DIS3L2: variants seen among roughly 807,000 people sequenced by gnomAD.
DIS3L2 encodes the protein DIS3-like exonuclease 2.
DIS3L2 carries 34 observed loss-of-function variants against 97.5 expected under a neutral mutation model. The ratio of observed to expected loss-of-function variants is 0.35; its 90% CI spans 0.27 to 0.46. The LOEUF (loss-of-function observed/expected upper bound fraction) is 0.46. Ranked by LOEUF, DIS3L2 falls within the 20% of genes least tolerant of loss-of-function variation. The probability of loss-of-function intolerance (pLI) is 1.00; values close to 1 mark genes in which losing one functional copy is unlikely to be tolerated. For missense variants in DIS3L2, 1,038 were observed against 1,146.0 expected (o/e 0.91, Z 1.36); for synonymous variants, 435 against 445.2 (o/e 0.98, Z 0.29).
In DIS3L2 at chr2:232,313,362, A is replaced by G. The variant is rs941627034; in HGVS notation, c.1739+13243A>G. Reference sequence around the variant, plus strand: ...TGATATCTGATTTTTTATTTAAATGAAAAGGAACTAATGTTTATCACAAGA... The same window carrying G: ...TGATATCTGATTTTTTATTTAAATGGAAAGGAACTAATGTTTATCACAAGA... On this transcript the variant is annotated intron_variant, in intron 14 of 20. Coordinates refer to ENST00000325385, the MANE Select transcript of DIS3L2 (RefSeq NM_152383.5). Among the ~76,000 whole-genome samples, 27 of 152,348 alleles carry G rather than the reference A, an allele frequency of 1.8e-4. 1 individual carries two copies. Among genetic ancestry groups the G allele is most frequent in the African/African-American group, 6.5e-4 (27 of 41,572 alleles).
intron 9 of DIS3L2, among the ~76,000 whole-genome samples, chr2:232,202,990 A>C (rs1691938086): frequency 6.6e-6 from 1 of 152,226 alleles, no homozygotes; most frequent in Non-Finnish European, 1.5e-5. Context: ...ATCTGATTGT[A>C]CTGGAATGTC....
intron 13 of DIS3L2, among the ~76,000 whole-genome samples, chr2:232,296,258 G>C (rs751989205): frequency 6.6e-6 from 1 of 152,188 alleles, no homozygotes; most frequent in Non-Finnish European, 1.5e-5. Context: ...CCATCACCAA[G>C]TCCTGTAATG....
chr2:232,076,018 A>G (rs1203844295), intron 5 of DIS3L2, among the ~76,000 whole-genome samples: 3 of 152,214 alleles, frequency 2.0e-5, no homozygotes, highest in African/African-American at 7.2e-5. Flanking sequence ...CCATGACTCA[A>G]GCCAGTTGTG....
chr2:232,256,932 A>T (rs1693582055), intron 12 of DIS3L2, among the ~76,000 whole-genome samples: 1 of 152,190 alleles, frequency 6.6e-6, no homozygotes. Flanking sequence ...AGCTTGGCCA[A>T]CATGGTGAAA....
At chr2:231,974,250 G>C (rs978800233) in intron 1 of DIS3L2, among the ~76,000 whole-genome samples, 2 of 152,138 alleles carry the variant, frequency 1.3e-5, no homozygotes, top group Non-Finnish European at 2.9e-5. Context: ...AAGGGACAGG[G>C]GAGGGAAGCT....
chr2:232,013,923 G>C (rs1386399006), intron 1 of DIS3L2, among the ~76,000 whole-genome samples: 3 of 152,170 alleles, frequency 2.0e-5, no homozygotes, highest in African/African-American at 7.2e-5. Flanking sequence ...AATTTAAAGA[G>C]AAATTACATC....
chr2:232,302,242 T>TG (rs1178617584), intron 14 of DIS3L2, among the ~76,000 whole-genome samples: 1 of 146,450 alleles, frequency 6.8e-6, no homozygotes. Flanking sequence ...TGTAGTGGAG[T>TG]GGGGGGAGTG....
chr2:231,962,950 G>A (rs2106209269), intron 1 of DIS3L2, among the ~76,000 whole-genome samples: 1 of 140,794 alleles, frequency 7.1e-6, no homozygotes, highest in Middle Eastern at 3.4e-3. Context: ...ATTCCATCCT[G>A]TACATCCACA....
At chr2:232,182,783 A>C (rs1484944058) in intron 9 of DIS3L2, among the ~76,000 whole-genome samples, 2 of 152,170 alleles carry the variant, frequency 1.3e-5, no homozygotes, top group South Asian at 4.1e-4. Flanking sequence ...ATGCATACAC[A>C]CACAGGCACA....
chr2:232,299,980 C>T, intron 13 of DIS3L2, 60 bp from the exon 14 acceptor site: 1 of 1,494,850 alleles, frequency 6.7e-7, no homozygotes, highest in Non-Finnish European at 9.3e-7. Flanking sequence ...TTCATTTCAG[C>T]TATTGGAATG....
chr2:231,970,456 C>T (rs1692872309), intron 1 of DIS3L2, among the ~76,000 whole-genome samples: 1 of 152,180 alleles, frequency 6.6e-6, no homozygotes, highest in Non-Finnish European at 1.5e-5. Context: ...GGCTACAAAA[C>T]TGTACAGCAT....
At chr2:232,090,088 C>G (rs1023774215) in intron 6 of DIS3L2, among the ~76,000 whole-genome samples, 26 of 152,026 alleles carry the variant, frequency 1.7e-4, no homozygotes, top group African/African-American at 5.8e-4. Flanking sequence ...ACCACCACAC[C>G]CAGATAATTT....
intron 5 of DIS3L2, among the ~76,000 whole-genome samples, chr2:232,074,744 C>G (rs2106291135): frequency 6.6e-6 from 1 of 152,052 alleles, no homozygotes; most frequent in Admixed American, 6.5e-5. Context: ...GTCACCATGC[C>G]TGGCTAATTT....
At chr2:232,203,304 G>A (rs963765284) in intron 9 of DIS3L2, among the ~76,000 whole-genome samples, 1 of 152,150 alleles carries the variant, frequency 6.6e-6, no homozygotes, top group African/African-American at 2.4e-5. Context: ...CACGGACAGA[G>A]GAGGGCCTCT....
At chr2:232,100,192 A>ATTT (rs10594218) in intron 6 of DIS3L2, among the ~76,000 whole-genome samples, 15 of 112,490 alleles carry the variant, frequency 1.3e-4, no homozygotes, top group Admixed American at 2.7e-4. Context: ...CCCTGCTAAT[A>ATTT]TTTTTTTTTT....
rs181322368 is a variant in DIS3L2, at chr2:232,217,043, A to G, written c.1204+6638A>G. 2.3e-3 allele frequency among the ~76,000 whole-genome samples: 349 copies of G among 152,280 alleles called. 6 individuals carry two copies. Among genetic ancestry groups the G allele is most frequent in the Admixed American group, 0.019 (294 of 15,292 alleles). ...TTTTTAGTAGAGATGGGGTTTCACC[A>G]TATTGGCCAGGCTGGTCTTGAACTC... On this transcript the variant is annotated intron_variant, in intron 10 of 20. Transcript: ENST00000325385.
chr2:232,006,925 A>T (rs1000369095), intron 1 of DIS3L2, among the ~76,000 whole-genome samples: 4 of 152,258 alleles, frequency 2.6e-5, no homozygotes, highest in African/African-American at 7.2e-5. Context: ...CTAGGAATAC[A>T]GAAAACTTTA....
At chr2:232,100,823 GTGTGTGTA>G (rs1168291917) in intron 6 of DIS3L2, among the ~76,000 whole-genome samples, 2 of 148,928 alleles carry the variant, frequency 1.3e-5, no homozygotes, top group Non-Finnish European at 2.9e-5. Flanking sequence ...GTGTGTGTGT[GTGTGTGTA>G]TATATATCTC....
chr2:232,086,615 A>G lies in DIS3L2; in HGVS notation c.367-872A>G, dbSNP rs376518130. ...TATATATATATATGTGTGTGTGTGT[A>G]TATATATATATATACACATATATAT... On this transcript the variant is annotated intron_variant, in intron 5 of 20. Coordinates refer to ENST00000325385, the MANE Select transcript of DIS3L2 (RefSeq NM_152383.5). 1.5e-3 allele frequency among the ~76,000 whole-genome samples: 83 copies of G among 54,506 alleles called. 2 individuals carry two copies. Among genetic ancestry groups the G allele is most frequent in the Non-Finnish European group, 2.0e-3 (47 of 23,398 alleles). 35.8% of individuals were successfully genotyped at this position (54,506 alleles called of 152,430 possible).
Sources: gnomAD v4.1 joint callset for allele counts (sites outside exome capture counted in the v4.1 genomes callset) on GRCh38, gnomAD v4.1.1 for gene constraint, MANE v1.5 for transcripts, NCBI Gene and HGNC (gene_info 2026-07-23, HGNC 2026-07-21) for gene names.